Variants in PPP2R3A observed in about 807,000 individuals in gnomAD.
PPP2R3A encodes the protein protein phosphatase 2 regulatory subunit B''alpha.
PPP2R3A carries 80 observed loss-of-function variants against 106.9 expected under a neutral mutation model. That is an observed-to-expected ratio of 0.75 (90% CI 0.62 to 0.90). The LOEUF is 0.90. Among genes scored for constraint, PPP2R3A ranks in the 40% least tolerant of loss-of-function variants. PPP2R3A has a pLI of 0.00. For missense variants in PPP2R3A, 1,386 were observed against 1,350.4 expected (o/e 1.03, Z -0.41); for synonymous variants, 483 against 468.3 (o/e 1.03, Z -0.41).
At chr3:136,078,304 CT>C in intron 6 of PPP2R3A, 62 bp from the exon 7 acceptor site, 6 of 1,167,356 alleles carry the variant, frequency 5.1e-6, no homozygotes, top group Non-Finnish European at 7.6e-6. Context: ...ATAAAATGGC[CT>C]TTGAGAAAGT....
intron 8 of PPP2R3A, among the ~76,000 whole-genome samples, chr3:136,087,077 G>T (rs1044049453): frequency 1.3e-5 from 2 of 152,154 alleles, no homozygotes; most frequent in African/African-American, 2.4e-5. Context: ...GGTGGCGCAT[G>T]CCTGTAATCC....
chr3:136,055,877 G>A (rs747526465), intron 5 of PPP2R3A: 13 of 426,162 alleles, frequency 3.1e-5, no homozygotes, highest in Non-Finnish European at 5.0e-5. Flanking sequence ...AAAGAGGGGA[G>A]CGTAAATCAC....
At chr3:136,133,627 TAAGAG>T (rs933456103) in intron 13 of PPP2R3A, among the ~76,000 whole-genome samples, 14 of 151,992 alleles carry the variant, frequency 9.2e-5, no homozygotes, top group Admixed American at 3.9e-4. Flanking sequence ...GAAATCTACC[TAAGAG>T]AAAAGCTCAC....
At chr3:136,103,895 T>C (rs911502672) in intron 12 of PPP2R3A, among the ~76,000 whole-genome samples, 1 of 152,172 alleles carries the variant, frequency 6.6e-6, no homozygotes, top group African/African-American at 2.4e-5. Context: ...ATTCTACATC[T>C]GAATAAAGCT....
At chr3:136,049,174 T>A (rs977429123) in intron 4 of PPP2R3A, 85 bp from the exon 5 acceptor site, 4 of 1,011,964 alleles carry the variant, frequency 4.0e-6, no homozygotes, top group Non-Finnish European at 6.0e-6. Context: ...GGCCTTCAGA[T>A]CAAACTGAAA....
At chr3:136,127,116 G>A (rs978677335) in intron 13 of PPP2R3A, among the ~76,000 whole-genome samples, 3 of 152,180 alleles carry the variant, frequency 2.0e-5, no homozygotes, top group Admixed American at 6.5e-5. Context: ...CTCCTCCAAA[G>A]GATCACAGCT....
intron 2 of PPP2R3A, among the ~76,000 whole-genome samples, chr3:136,015,293 C>G (rs1934231133): frequency 6.6e-6 from 1 of 151,318 alleles, no homozygotes; most frequent in African/African-American, 2.4e-5. Flanking sequence ...TTTTTTATGT[C>G]CTTTCCTGGT....
At chr3:136,052,884 T>C (rs1190609385) in intron 5 of PPP2R3A, among the ~76,000 whole-genome samples, 2 of 152,122 alleles carry the variant, frequency 1.3e-5, no homozygotes, top group Non-Finnish European at 2.9e-5. Context: ...TAAAAAGGAA[T>C]AAATCCACGG....
At chr3:136,100,446 G>A (rs1297766854) in intron 10 of PPP2R3A, among the ~76,000 whole-genome samples, 2 of 152,000 alleles carry the variant, frequency 1.3e-5, no homozygotes, top group East Asian at 1.9e-4. Context: ...AGGCCTAGGC[G>A]GGCAGATCAC....
intron 13 of PPP2R3A, among the ~76,000 whole-genome samples, chr3:136,115,045 C>G (rs1217996233): frequency 1.3e-5 from 2 of 152,218 alleles, no homozygotes; most frequent in Non-Finnish European, 2.9e-5. Flanking sequence ...GGGTGTCCAT[C>G]TGGGACGAAG....
intron 12 of PPP2R3A, among the ~76,000 whole-genome samples, chr3:136,105,998 A>G (rs978037259): frequency 6.6e-6 from 1 of 152,150 alleles, no homozygotes; most frequent in African/African-American, 2.4e-5. Context: ...AATGGAATCT[A>G]TACCTAAAAA....
chr3:136,084,108 C>G (rs1205010500), intron 8 of PPP2R3A, among the ~76,000 whole-genome samples: 1 of 152,224 alleles, frequency 6.6e-6, no homozygotes, highest in Non-Finnish European at 1.5e-5. Flanking sequence ...GGGAAAATGT[C>G]TCCAGGGCAT....
At position 136,145,244 on chromosome 3, in the gene PPP2R3A, C is replaced by G. The variant is rs1237600173; in HGVS notation, c.*78C>G. 6.7e-7 allele frequency: 1 copy of G among 1,488,780 alleles called. No individual in the cohort carries two copies. The highest frequency in any genetic ancestry group is 9.0e-7 in the Non-Finnish European group (1 of 1,114,274). 92.2% of individuals were successfully genotyped at this position (1,488,780 alleles called of 1,614,324 possible). ...GTGAAGAGATGTTCTCGTTTGCATACTGCTTTTTAAAGACTTTGATTTCTC... is the reference window on the plus strand; with the variant it reads ...GTGAAGAGATGTTCTCGTTTGCATAGTGCTTTTTAAAGACTTTGATTTCTC... On this transcript the variant is annotated 3_prime_UTR_variant, in exon 14 of 14. Transcript: ENST00000264977.
intron 8 of PPP2R3A, among the ~76,000 whole-genome samples, chr3:136,087,301 C>CTCTCTCTCTCTCT (rs1357086259): frequency 1.0e-4 from 15 of 146,232 alleles, no homozygotes; most frequent in East Asian, 6.1e-4. Flanking sequence ...CTCTCTCTCA[C>CTCTCTCTCTCTCT]CAACATGCTA....
chr3:135,991,525 C>G (rs1261178846), intron 1 of PPP2R3A, among the ~76,000 whole-genome samples: 1 of 146,136 alleles, frequency 6.8e-6, no homozygotes, highest in Non-Finnish European at 1.5e-5. Context: ...TCAGAGAAAG[C>G]AGTAGCTTTG....
At chr3:136,088,752 G>C (rs1386216671) in intron 9 of PPP2R3A, among the ~76,000 whole-genome samples, 1 of 152,130 alleles carries the variant, frequency 6.6e-6, no homozygotes, top group African/African-American at 2.4e-5. Context: ...TCACCAGCAT[G>C]TGTTACATTT....
At chr3:136,073,397 ATAGAG>A (rs1295536501) in intron 6 of PPP2R3A, among the ~76,000 whole-genome samples, 3 of 152,250 alleles carry the variant, frequency 2.0e-5, no homozygotes, top group African/African-American at 7.2e-5. Flanking sequence ...TGGCGAATTA[ATAGAG>A]TACAGTTAAT....
At chr3:136,132,159 A>G (rs757202192) in intron 13 of PPP2R3A, among the ~76,000 whole-genome samples, 9 of 151,894 alleles carry the variant, frequency 5.9e-5, no homozygotes, top group African/African-American at 1.9e-4. Flanking sequence ...AACTTTAAGT[A>G]TAATAAAAAA....
At chr3:136,039,190 C>T (rs1307073336) in intron 3 of PPP2R3A, among the ~76,000 whole-genome samples, 1 of 152,152 alleles carries the variant, frequency 6.6e-6, no homozygotes, top group Non-Finnish European at 1.5e-5. Context: ...GGTGGATGCA[C>T]ATCTAGTCTT....
Sources: gnomAD v4.1 joint callset for allele counts (sites outside exome capture counted in the v4.1 genomes callset) on GRCh38, gnomAD v4.1.1 for gene constraint, MANE v1.5 for transcripts, NCBI Gene and HGNC (gene_info 2026-07-23, HGNC 2026-07-21) for gene names.